Variants in DLG2 observed in about 807,000 individuals in gnomAD.
DLG2 encodes the protein discs large MAGUK scaffold protein 2, also known as disks large homolog 2.
Under a neutral mutation model 132.5 loss-of-function variants are expected in DLG2, and 45 were observed. That is an observed-to-expected ratio of 0.34 (90% CI 0.27 to 0.44). The LOEUF is 0.44. DLG2 is among the 20% of genes least tolerant of loss of function. The probability of loss-of-function intolerance (pLI) is 1.00; values close to 1 mark genes in which losing one functional copy is unlikely to be tolerated. For synonymous variants in DLG2, 424 were observed against 419.6 expected, an observed-to-expected ratio of 1.01 and a Z score of -0.13; for missense variants, 1,045 against 1,196.9, an observed-to-expected ratio of 0.87 and a Z score of 1.87.
chr11:84,756,968 C>T (rs1389284589), intron 6 of DLG2, among the ~76,000 whole-genome samples: 3 of 152,180 alleles, frequency 2.0e-5, no homozygotes, highest in African/African-American at 7.2e-5. Flanking sequence ...CCTACAGCAA[C>T]TACCAGAATC....
At position 83,464,068 on chromosome 11, in the gene DLG2, A is replaced by G. The variant is rs555798142; in HGVS notation, c.2730-1975T>C. Among the ~76,000 whole-genome samples, 12 of 152,242 alleles carry G rather than the reference A, an allele frequency of 7.9e-5. No homozygotes were observed. The South Asian group carries it at 2.5e-3, about 31-fold the overall frequency. ...TGAATGAATGAACAAATGGGGAGCTAGATAAACATAATTATAAGATAGTTG... is the reference window on the plus strand; with the variant it reads ...TGAATGAATGAACAAATGGGGAGCTGGATAAACATAATTATAAGATAGTTG... On this transcript the variant is annotated intron_variant, in intron 26 of 27. Transcript: ENST00000376104.
At chr11:84,697,878 T>A (rs778243777) in intron 6 of DLG2, among the ~76,000 whole-genome samples, 1 of 151,428 alleles carries the variant, frequency 6.6e-6, no homozygotes, top group Admixed American at 6.6e-5. Flanking sequence ...CCTAGCACCA[T>A]TGAAAAGCAC....
intron 6 of DLG2, among the ~76,000 whole-genome samples, chr11:84,925,914 T>C (rs947694715): frequency 2.7e-4 from 41 of 152,218 alleles, no homozygotes; most frequent in Non-Finnish European, 1.3e-4. Context: ...TTTTGCATAA[T>C]ATTGGAATAC....
At chr11:84,391,583 T>G (rs990164911) in intron 7 of DLG2, among the ~76,000 whole-genome samples, 2 of 152,168 alleles carry the variant, frequency 1.3e-5, no homozygotes, top group Non-Finnish European at 2.9e-5. Context: ...AACTGAAAGT[T>G]AATGAACTCC....
chr11:84,238,032 A>C (rs111902586), intron 8 of DLG2, among the ~76,000 whole-genome samples: 122 of 142,004 alleles, frequency 8.6e-4, no homozygotes, highest in African/African-American at 3.1e-3. Context: ...CGACAGGGCA[A>C]GACTCTGCCT....
chr11:85,499,303 G>C lies in DLG2; in HGVS notation c.40+99354C>G, dbSNP rs538046202. On this transcript the variant is annotated intron_variant, in intron 3 of 27. Coordinates refer to ENST00000376104, the MANE Select transcript of DLG2 (RefSeq NM_001142699.3). Reference sequence around the variant, plus strand: ...CACAGAAATACAAACTACCATCAGAGAATACTATAAACACTTCTATGCAAA... The same window carrying C: ...CACAGAAATACAAACTACCATCAGACAATACTATAAACACTTCTATGCAAA... 3.7e-3 allele frequency among the ~76,000 whole-genome samples: 565 copies of C among 152,210 alleles called. 5 individuals carry two copies. The highest frequency in any genetic ancestry group is 0.013 in the African/African-American group (535 of 41,540).
chr11:84,109,676 T>A (rs1171136000), intron 9 of DLG2, among the ~76,000 whole-genome samples: 1 of 152,208 alleles, frequency 6.6e-6, no homozygotes, highest in Non-Finnish European at 1.5e-5. Context: ...AATTTGTTGA[T>A]CATTTTTCCA....
chr11:84,794,417 G>C (rs142164270), intron 6 of DLG2, among the ~76,000 whole-genome samples: 2 of 152,320 alleles, frequency 1.3e-5, no homozygotes, highest in East Asian at 3.9e-4. Flanking sequence ...TGGGAGCTGG[G>C]AACAGGCAGA....
In DLG2 at chr11:84,844,065, T is replaced by TTGTG. The variant is rs769383482; in HGVS notation, c.357+267592_357+267595dup. Among the ~76,000 whole-genome samples the TTGTG allele has an allele frequency of 1.4e-3, 160 of 115,150 alleles. 5 individuals carry two copies. The highest frequency in any genetic ancestry group is 2.1e-3 in the Non-Finnish European group (118 of 55,034). The allele number at this position is 115,150 out of a possible 152,430, so 75.5% of individuals were successfully genotyped here. A position where few individuals can be genotyped will look rare whatever the true frequency, so the allele number is the denominator to read the frequency against. ...TCTGTGTGTACATATATATATATGT[T>TTGTG]TGTGTGTGTGTGTGTGTGTGTATAT... is the stretch of plus-strand genomic sequence containing the variant. On this transcript the variant is annotated intron_variant, in intron 6 of 27. Transcript: ENST00000376104.
chr11:84,984,199 C>T (rs573116796), intron 6 of DLG2, among the ~76,000 whole-genome samples: 2 of 152,274 alleles, frequency 1.3e-5, no homozygotes, highest in East Asian at 3.9e-4. Flanking sequence ...CACCTAGGCA[C>T]ATTGCCATCA....
chr11:84,652,296 A>G (rs1409459426), intron 6 of DLG2, among the ~76,000 whole-genome samples: 1 of 152,164 alleles, frequency 6.6e-6, no homozygotes. Context: ...ATGAGAAATA[A>G]TAGTAGAGGA....
At chr11:83,615,012 G>A (rs1329268567) in intron 19 of DLG2, among the ~76,000 whole-genome samples, 1 of 152,192 alleles carries the variant, frequency 6.6e-6, no homozygotes, top group African/African-American at 2.4e-5. Context: ...TTTCAACAGC[G>A]TTTCATGTAA....
At chr11:85,127,890 A>C (rs1442261181) in intron 5 of DLG2, among the ~76,000 whole-genome samples, 1 of 152,218 alleles carries the variant, frequency 6.6e-6, no homozygotes, top group Non-Finnish European at 1.5e-5. Context: ...CATAATAAAA[A>C]ATATTATATT....
At chr11:83,548,530 T>A (rs1488836209) in intron 19 of DLG2, among the ~76,000 whole-genome samples, 2 of 152,100 alleles carry the variant, frequency 1.3e-5, no homozygotes, top group African/African-American at 4.8e-5. Flanking sequence ...GAGGATTCTG[T>A]CAAAGATTCT....
intron 7 of DLG2, among the ~76,000 whole-genome samples, chr11:84,335,462 G>T (rs2098480170): frequency 6.6e-6 from 1 of 152,190 alleles, no homozygotes; most frequent in African/African-American, 2.4e-5. Context: ...TGAGCAAGTA[G>T]GTTGACAATA....
chr11:83,591,073 C>A (rs889558903), intron 19 of DLG2, among the ~76,000 whole-genome samples: 3 of 152,190 alleles, frequency 2.0e-5, no homozygotes, highest in African/African-American at 7.2e-5. Flanking sequence ...CAAGGAGGAG[C>A]TGGTACCATT....
chr11:84,185,715 A>G (rs2096263111), intron 8 of DLG2, among the ~76,000 whole-genome samples: 1 of 152,168 alleles, frequency 6.6e-6, no homozygotes, highest in African/African-American at 2.4e-5. Flanking sequence ...GGTTTGTCAT[A>G]GATATCTCTT....
At chr11:84,744,914 A>G (rs1196349497) in intron 6 of DLG2, among the ~76,000 whole-genome samples, 7 of 151,040 alleles carry the variant, frequency 4.6e-5, no homozygotes, top group Middle Eastern at 3.2e-3. Flanking sequence ...AAAAAAAAAA[A>G]AAAAAGAAAC....
chr11:83,488,813 C>T (rs1402296330), intron 21 of DLG2, among the ~76,000 whole-genome samples: 1 of 151,934 alleles, frequency 6.6e-6, no homozygotes, highest in African/African-American at 2.4e-5. Flanking sequence ...AAAGTTGTTA[C>T]TGTACATTTG....
Sources: gnomAD v4.1 joint callset for allele counts (sites outside exome capture counted in the v4.1 genomes callset) on GRCh38, gnomAD v4.1.1 for gene constraint, MANE v1.5 for transcripts, NCBI Gene and HGNC (gene_info 2026-07-23, HGNC 2026-07-21) for gene names.